Variants in RBFOX1 observed in about 807,000 individuals in gnomAD.
RBFOX1 encodes RNA binding protein fox-1 homolog 1.
RBFOX1 carries 8 observed loss-of-function variants against 57.7 expected under a neutral mutation model. The ratio of observed to expected loss-of-function variants is 0.14; its 90% CI spans 0.08 to 0.25. The LOEUF is 0.25. Among genes scored for constraint, RBFOX1 ranks in the 10% least tolerant of loss-of-function variants. The pLI is 1.00. For missense variants in RBFOX1, 611 were observed against 548.5 expected, an observed-to-expected ratio of 1.11 and a Z score of -1.14; for synonymous variants, 326 against 222.4, an observed-to-expected ratio of 1.47 and a Z score of -4.15.
At chr16:6,086,881 G>A (rs182319367) in intron 1 of RBFOX1, among the ~76,000 whole-genome samples, 1 of 152,150 alleles carries the variant, frequency 6.6e-6, no homozygotes. Flanking sequence ...TTCTGGTTTA[G>A]GGTCTTTCCT....
At chr16:5,865,305 T>A (rs1249996908) in intron 3 of RBFOX1, among the ~76,000 whole-genome samples, 1 of 152,104 alleles carries the variant, frequency 6.6e-6, no homozygotes, top group Non-Finnish European at 1.5e-5. Flanking sequence ...ATGTGGCTGA[T>A]CACCATGGAA....
intron 4 of RBFOX1, among the ~76,000 whole-genome samples, chr16:5,939,091 G>A (rs966345675): frequency 3.8e-4 from 58 of 152,012 alleles, no homozygotes; most frequent in Admixed American, 1.3e-3. Flanking sequence ...ACTGCGTGTC[G>A]TGGGGTTGGG....
intron 1 of RBFOX1, among the ~76,000 whole-genome samples, chr16:6,087,471 C>A (rs2096104781): frequency 6.6e-6 from 1 of 151,994 alleles, no homozygotes; most frequent in Admixed American, 6.6e-5. Flanking sequence ...AGCCTTTTTT[C>A]TCTATGTGTA....
rs142234077 is a variant in RBFOX1 at position 5,249,788 on chromosome 16, G to C, written c.219+9683G>C. On this transcript the variant is annotated intron_variant, in intron 1 of 2. Coordinates refer to the RBFOX1 transcript ENST00000585867. ...AGCTTGGCCAAAATAGTGAAACCCT[G>C]TCTCTACAAAAAATACAAAAGTTAG... 3.2e-3 allele frequency among the ~76,000 whole-genome samples: 481 copies of C among 152,304 alleles called. 2 individuals carry two copies. Among genetic ancestry groups the C allele is most frequent in the African/African-American group, 0.011 (444 of 41,572 alleles).
rs181191849 is a variant in RBFOX1, at chr16:6,054,817, C to T, written c.-127+34825C>T. On this transcript the variant is annotated intron_variant, in intron 1 of 15. Coordinates refer to ENST00000550418, the MANE Select transcript of RBFOX1 (RefSeq NM_018723.4). ...ATTATTTTTGAGACAGAGTCTCACT[C>T]TGTTACCTGGGCTGGAGTGCAGTGA... is the stretch of plus-strand genomic sequence containing the variant. 5.9e-5 allele frequency among the ~76,000 whole-genome samples: 9 copies of T among 152,184 alleles called. No individual in the cohort carries two copies. In the East Asian group the frequency reaches 1.5e-3, roughly 26 times the overall value.
At chr16:6,723,293 A>T (rs916908335) in intron 3 of RBFOX1, among the ~76,000 whole-genome samples, 3 of 152,228 alleles carry the variant, frequency 2.0e-5, no homozygotes, top group Non-Finnish European at 4.4e-5. Flanking sequence ...ATCATTTAAT[A>T]TAGGCACCTA....
chr16:7,599,641 T>TTTTTC lies in RBFOX1; in HGVS notation c.622+2214_622+2215insCTTTT, dbSNP rs2094905317. ...AAGATGAAGAAATTAATAAAGACTTTTTTTTTTTTCTTTTTTTTTTTTGAG... is the reference window on the plus strand; with the variant it reads ...AAGATGAAGAAATTAATAAAGACTTTTTTTCTTTTTTTTTCTTTTTTTTTTTTGAG... On this transcript the variant is annotated intron_variant, in intron 9 of 15. Coordinates refer to ENST00000550418, the MANE Select transcript of RBFOX1 (RefSeq NM_018723.4). Among the ~76,000 whole-genome samples, 2 of 34,216 alleles carry TTTTTC rather than the reference T, an allele frequency of 5.8e-5. 1 individual carries two copies. Among genetic ancestry groups the TTTTTC allele is most frequent in the African/African-American group, 9.7e-5 (2 of 20,664 alleles). 22.4% of individuals were successfully genotyped at this position (34,216 alleles called of 152,430 possible). A position where few individuals can be genotyped will look rare whatever the true frequency, so the allele number is the denominator to read the frequency against.
At chr16:6,020,368 C>G (rs1283026317) in intron 1 of RBFOX1, among the ~76,000 whole-genome samples, 1 of 152,136 alleles carries the variant, frequency 6.6e-6, no homozygotes, top group Non-Finnish European at 1.5e-5. Flanking sequence ...CAAGCGTGCA[C>G]TCAGCGCGCC....
At chr16:7,083,510 G>A (rs894274435) in intron 4 of RBFOX1, among the ~76,000 whole-genome samples, 12 of 152,096 alleles carry the variant, frequency 7.9e-5, no homozygotes, top group Non-Finnish European at 1.5e-5. Context: ...CAGAGGCCAT[G>A]AAGTATAGCC....
intron 4 of RBFOX1, among the ~76,000 whole-genome samples, chr16:7,363,038 C>T (rs959797600): frequency 6.6e-6 from 1 of 152,142 alleles, no homozygotes; most frequent in South Asian, 2.1e-4. Flanking sequence ...AGCAGGATGG[C>T]CTGTAAATCA....
intron 3 of RBFOX1, among the ~76,000 whole-genome samples, chr16:6,911,373 C>T (rs967458810): frequency 6.6e-6 from 1 of 152,042 alleles, no homozygotes; most frequent in African/African-American, 2.4e-5. Context: ...GGGTTGGTTT[C>T]TTCTAAGGGC....
chr16:5,933,416 G>C (rs562989353), intron 4 of RBFOX1, among the ~76,000 whole-genome samples: 22 of 152,146 alleles, frequency 1.4e-4, no homozygotes, highest in Non-Finnish European at 2.4e-4. Context: ...CTGCCAGAGT[G>C]GCTCCGACAT....
At chr16:6,250,088 C>G (rs956435830) in intron 1 of RBFOX1, among the ~76,000 whole-genome samples, 1 of 152,098 alleles carries the variant, frequency 6.6e-6, no homozygotes, top group East Asian at 1.9e-4. Flanking sequence ...AGAACAGCCC[C>G]TTGCAGATAA....
At chr16:5,631,810 G>A (rs2048517308) in intron 3 of RBFOX1, among the ~76,000 whole-genome samples, 2 of 152,150 alleles carry the variant, frequency 1.3e-5, no homozygotes, top group African/African-American at 2.4e-5. Context: ...GCATTGTCTA[G>A]ATGAGCTTTT....
intron 2 of RBFOX1, among the ~76,000 whole-genome samples, chr16:5,584,529 C>G (rs2151165782): frequency 6.6e-6 from 1 of 152,332 alleles, no homozygotes; most frequent in East Asian, 1.9e-4. Flanking sequence ...CACAAGGGCA[C>G]AGAGACCAAG....
intron 1 of RBFOX1, among the ~76,000 whole-genome samples, chr16:6,074,257 C>T (rs865824841): frequency 1.3e-5 from 2 of 152,106 alleles, no homozygotes; most frequent in Non-Finnish European, 2.9e-5. Context: ...CATCAAGCTT[C>T]TTTCTCTCTC....
chr16:7,106,984 A>AACACACACACACAC (rs61104403), intron 4 of RBFOX1, among the ~76,000 whole-genome samples: 1 of 148,514 alleles, frequency 6.7e-6, no homozygotes, highest in African/African-American at 2.5e-5. Context: ...ACACAGTTAA[A>AACACACACACACAC]ACACACACAC....
intron 1 of RBFOX1, among the ~76,000 whole-genome samples, chr16:6,123,458 C>CT (rs1228031419): frequency 6.6e-6 from 1 of 152,064 alleles, no homozygotes; most frequent in East Asian, 1.9e-4. Context: ...TAGTCAAATA[C>CT]TTAGAAACTG....
intron 3 of RBFOX1, among the ~76,000 whole-genome samples, chr16:6,998,217 G>A (rs1387276747): frequency 1.3e-5 from 2 of 152,114 alleles, no homozygotes; most frequent in Non-Finnish European, 2.9e-5. Flanking sequence ...TAGCTATGAA[G>A]CATTTATATA....
Sources: gnomAD v4.1 joint callset for allele counts (sites outside exome capture counted in the v4.1 genomes callset) on GRCh38, gnomAD v4.1.1 for gene constraint, MANE v1.5 for transcripts, NCBI Gene and HGNC (gene_info 2026-07-23, HGNC 2026-07-21) for gene names.